CSMD1: variants seen among roughly 807,000 people sequenced by gnomAD.
The protein encoded by CSMD1 is CUB and Sushi multiple domains 1, also known as CUB and sushi domain-containing protein 1.
In CSMD1, 213 loss-of-function variants were observed where a neutral mutation model predicts 417.5. That is an observed-to-expected ratio of 0.51 (90% CI 0.46 to 0.57). CSMD1 has a LOEUF of 0.57. Among genes scored for constraint, CSMD1 ranks in the 20% least tolerant of loss-of-function variants. The probability of loss-of-function intolerance (pLI) is 0.00; values close to 1 mark genes in which losing one functional copy is unlikely to be tolerated. For synonymous variants in CSMD1, 2,862 were observed against 1,736.8 expected (o/e 1.65, Z -16.11); for missense variants, 6,923 against 4,529.7 (o/e 1.53, Z -15.17).
chr8:3,852,780 G>C (rs182065204), intron 5 of CSMD1, among the ~76,000 whole-genome samples: 256 of 152,174 alleles, frequency 1.7e-3, no homozygotes, highest in Admixed American at 3.5e-3. Context: ...ATCCATTCCA[G>C]CCTCTTCTGT....
chr8:4,206,239 C>G (rs575896844), intron 3 of CSMD1, among the ~76,000 whole-genome samples: 11 of 152,146 alleles, frequency 7.2e-5, no homozygotes, highest in Admixed American at 2.6e-4. Flanking sequence ...TACATGTGCA[C>G]AAGGGGCAGG....
At chr8:3,997,800 T>C in intron 5 of CSMD1, 103 bp downstream of exon 5, 1 of 1,029,058 alleles carries the variant, frequency 9.7e-7, no homozygotes, top group Non-Finnish European at 1.4e-6. Flanking sequence ...ACACACATGC[T>C]TGCCCATGAA....
Position 4,420,034 on chromosome 8 carries a change from C to G in CSMD1, c.334G>C (p.Val112Leu), listed in dbSNP as rs767956644. Residue 112 changes from valine to leucine, a missense_variant, in exon 3 of 70, where the codon GTG becomes CTG. Coordinates refer to ENST00000635120, the MANE Select transcript of CSMD1 (RefSeq NM_033225.6). ...AGAGTGAGGATAGATCCTGTACTCACTATAGAGGAGGGCAGCTGAAATCCC... is the reference window on the plus strand; with the variant it reads ...AGAGTGAGGATAGATCCTGTACTCAGTATAGAGGAGGGCAGCTGAAATCCC... ...LSGFQLPSSIVSTGSILTLWF... is the reference protein window; with the variant it reads ...LSGFQLPSSILSTGSILTLWF... The G allele has an allele frequency of 4.4e-6, 7 of 1,578,168 alleles. No individual in the cohort carries two copies. In the East Asian group the frequency reaches 1.2e-4, roughly 26 times the overall value.
intron 4 of CSMD1, among the ~76,000 whole-genome samples, chr8:4,014,479 T>C (rs746096758): frequency 3.9e-4 from 59 of 152,190 alleles, no homozygotes; most frequent in Admixed American, 7.8e-4. Flanking sequence ...TTTTAGACAT[T>C]GAGTTGGCTT....
chr8:4,248,182 G>A (rs925517101), intron 3 of CSMD1, among the ~76,000 whole-genome samples: 9 of 152,118 alleles, frequency 5.9e-5, no homozygotes, highest in African/African-American at 1.9e-4. Flanking sequence ...TTGAAGCCCT[G>A]GAAATTTCAT....
intron 41 of CSMD1, among the ~76,000 whole-genome samples, chr8:3,127,206 T>C (rs1423866235): frequency 6.6e-6 from 1 of 152,054 alleles, no homozygotes; most frequent in African/African-American, 2.4e-5. Flanking sequence ...CTCTTTGGGG[T>C]CACTGTTGGA....
In CSMD1 at chr8:3,253,643, A is replaced by G. The variant is rs151337793; in HGVS notation, c.4154-23412T>C. ...TGAGAGTGGGTTGTTAAAGTCTGCC[A>G]TTATTATTGTGTGGGAGTCTAAGTC... On this transcript the variant is annotated intron_variant, in intron 26 of 69. Transcript: ENST00000635120. Among the ~76,000 whole-genome samples, 295 of 152,216 alleles carry G rather than the reference A, an allele frequency of 1.9e-3. 1 individual carries two copies. The highest frequency in any genetic ancestry group is 6.8e-3 in the Middle Eastern group (2 of 294).
chr8:4,240,318 T>C lies in CSMD1; in HGVS notation c.415+179635A>G, dbSNP rs79265300. Reference sequence around the variant, plus strand: ...CCTTATCACCTTGTACAAGTTAAACTTCTGGTGTTGCTGCATCTTTGCTAA... The same window carrying C: ...CCTTATCACCTTGTACAAGTTAAACCTCTGGTGTTGCTGCATCTTTGCTAA... On this transcript the variant is annotated intron_variant, in intron 3 of 69. Coordinates refer to ENST00000635120, the MANE Select transcript of CSMD1 (RefSeq NM_033225.6). 9.5e-3 allele frequency among the ~76,000 whole-genome samples: 1,449 copies of C among 152,298 alleles called. 10 individuals are homozygous for C. Among genetic ancestry groups the C allele is most frequent in the Middle Eastern group, 0.031 (9 of 294 alleles).
intron 3 of CSMD1, among the ~76,000 whole-genome samples, chr8:4,052,727 TCAC>T (rs369595023): frequency 5.9e-5 from 9 of 152,096 alleles, no homozygotes; most frequent in Non-Finnish European, 1.3e-4. Context: ...ATTTAGCTCA[TCAC>T]CACATGATAA....
At chr8:3,769,368 T>G (rs1430059695) in intron 5 of CSMD1, among the ~76,000 whole-genome samples, 1 of 151,792 alleles carries the variant, frequency 6.6e-6, no homozygotes, top group Non-Finnish European at 1.5e-5. Context: ...GATAACAATA[T>G]CCATTAAATA....
intron 2 of CSMD1, among the ~76,000 whole-genome samples, chr8:4,547,535 T>C (rs1011810747): frequency 6.6e-6 from 1 of 152,230 alleles, no homozygotes; most frequent in African/African-American, 2.4e-5. Context: ...CTGCTCTCAC[T>C]GTATTTACCT....
At chr8:4,969,619 G>A (rs1056873873) in intron 1 of CSMD1, among the ~76,000 whole-genome samples, 1 of 151,820 alleles carries the variant, frequency 6.6e-6, no homozygotes, top group African/African-American at 2.4e-5. Context: ...AATACACATA[G>A]GGCTGTGCTT....
intron 3 of CSMD1, among the ~76,000 whole-genome samples, chr8:4,203,974 G>A (rs936496129): frequency 2.0e-5 from 3 of 152,024 alleles, no homozygotes; most frequent in East Asian, 3.9e-4. Context: ...GGTGGTGCAC[G>A]CCTGTGGTCC....
chr8:4,701,686 TA>T (rs746716469), intron 1 of CSMD1, among the ~76,000 whole-genome samples: 50 of 149,194 alleles, frequency 3.4e-4, no homozygotes, highest in East Asian at 2.0e-3. Flanking sequence ...CCTTTCTCCT[TA>T]AAAAAAAAAG....
intron 4 of CSMD1, among the ~76,000 whole-genome samples, chr8:4,027,475 C>G (rs573388253): frequency 2.0e-5 from 3 of 152,036 alleles, no homozygotes; most frequent in Admixed American, 6.6e-5. Flanking sequence ...TGGGTGAGTT[C>G]TCATGAGATA....
At chr8:4,080,060 G>A (rs1195797137) in intron 3 of CSMD1, among the ~76,000 whole-genome samples, 1 of 150,328 alleles carries the variant, frequency 6.7e-6, no homozygotes, top group Non-Finnish European at 1.5e-5. Flanking sequence ...AGGAATCTAC[G>A]ACTCATCTGA....
chr8:4,482,579 A>G (rs972793385), intron 2 of CSMD1, among the ~76,000 whole-genome samples: 1 of 152,202 alleles, frequency 6.6e-6, no homozygotes, highest in African/African-American at 2.4e-5. Context: ...TCTTTGTGGT[A>G]GAATGTTTTA....
At chr8:4,212,763 T>A (rs935405507) in intron 3 of CSMD1, among the ~76,000 whole-genome samples, 44 of 149,012 alleles carry the variant, frequency 3.0e-4, no homozygotes, top group African/African-American at 9.5e-4. Context: ...TTTTTTTTTT[T>A]TTTTTTTTTT....
At chr8:4,369,670 T>C (rs886906549) in intron 3 of CSMD1, among the ~76,000 whole-genome samples, 7 of 152,210 alleles carry the variant, frequency 4.6e-5, no homozygotes, top group African/African-American at 1.7e-4. Context: ...TCTTGTTGAG[T>C]TGAGCCCTTT....
Sources: allele counts gnomAD v4.1 joint callset (sites outside exome capture counted in the v4.1 genomes callset), GRCh38; gene constraint gnomAD v4.1.1; transcripts MANE v1.5; gene names NCBI Gene and HGNC (gene_info 2026-07-23, HGNC 2026-07-21).